Variants in NBN observed in about 807,000 individuals in gnomAD.
NBN encodes the protein Nijmegen breakage syndrome 1 (nibrin).
In NBN, 88 loss-of-function variants were observed where a neutral mutation model predicts 90.8. The observed-to-expected ratio is 0.97, with a 90% confidence interval of 0.82 to 1.16. The LOEUF (loss-of-function observed/expected upper bound fraction) is 1.16. Ranked by LOEUF, NBN falls within the 50% of genes most tolerant of loss-of-function variation. The probability of loss-of-function intolerance (pLI) is 0.00; values close to 1 mark genes in which losing one functional copy is unlikely to be tolerated. For synonymous variants in NBN, 328 were observed against 295.1 expected (o/e 1.11, Z -1.14); for missense variants, 894 against 869.6 (o/e 1.03, Z -0.35).
chr8:89,954,590 T>G (rs545311157), intron 10 of NBN, among the ~76,000 whole-genome samples: 4 of 151,332 alleles, frequency 2.6e-5, no homozygotes, highest in African/African-American at 7.3e-5. Context: ...TTTTTAGGTC[T>G]ATTACTGGGG....
chr8:89,982,670 T>C, intron 2 of NBN, 52 bp downstream of exon 2: 1 of 1,463,830 alleles, frequency 6.8e-7, no homozygotes, highest in Admixed American at 1.7e-5. Flanking sequence ...GAGAATATTT[T>C]GTGATTTCAA....
intron 1 of NBN, 115 bp downstream of exon 1, chr8:89,984,410 G>C: frequency 1.0e-6 from 1 of 987,546 alleles, no homozygotes; most frequent in South Asian, 1.4e-5. Flanking sequence ...TTCTGCGACC[G>C]CTTCCGCAGC....
At chr8:89,948,605 A>G (rs1176033730) in intron 11 of NBN, among the ~76,000 whole-genome samples, 1 of 152,224 alleles carries the variant, frequency 6.6e-6, no homozygotes, top group Non-Finnish European at 1.5e-5. Context: ...TGGGGCACAT[A>G]ACATTTTACG....
intron 9 of NBN, among the ~76,000 whole-genome samples, chr8:89,957,726 G>C (rs1271381574): frequency 6.6e-6 from 1 of 151,890 alleles, no homozygotes; most frequent in Non-Finnish European, 1.5e-5. Context: ...ACTTCCCATT[G>C]TGTTACAATT....
intron 7 of NBN, among the ~76,000 whole-genome samples, chr8:89,969,378 T>C (rs1334821142): frequency 6.6e-6 from 1 of 152,240 alleles, no homozygotes; most frequent in Non-Finnish European, 1.5e-5. Context: ...TATGTCTTTC[T>C]AATGGGTAAT....
intron 11 of NBN, among the ~76,000 whole-genome samples, chr8:89,950,218 T>C (rs1810385462): frequency 6.6e-6 from 1 of 152,184 alleles, no homozygotes; most frequent in South Asian, 2.1e-4. Context: ...GTGGTATCCC[T>C]GAGGAACTGG....
intron 4 of NBN, among the ~76,000 whole-genome samples, chr8:89,980,361 T>C (rs1451881686): frequency 6.6e-6 from 1 of 151,334 alleles, no homozygotes; most frequent in East Asian, 1.9e-4. Context: ...GAAAGACAAC[T>C]TGATAGAAAG....
At chr8:89,967,101 G>T (rs1160153128) in intron 7 of NBN, among the ~76,000 whole-genome samples, 4 of 152,180 alleles carry the variant, frequency 2.6e-5, no homozygotes, top group Non-Finnish European at 5.9e-5. Context: ...GCCGCTGTCT[G>T]TGTGGAATTT....
At chr8:89,982,134 A>AT (rs936745351) in intron 2 of NBN, 27 of 258,898 alleles carry the variant, frequency 1.0e-4, no homozygotes, top group Middle Eastern at 9.1e-4. Context: ...ATTCCTATGT[A>AT]TTTTTTTTAG....
intron 14 of NBN, among the ~76,000 whole-genome samples, chr8:89,941,140 CA>C (rs1348719032): frequency 3.5e-4 from 53 of 152,040 alleles, no homozygotes; most frequent in African/African-American, 1.2e-3. Context: ...ATAGAGAGCC[CA>C]GCAAATATAA....
chr8:89,957,001 C>T (rs13312921), intron 9 of NBN, among the ~76,000 whole-genome samples: 2 of 152,066 alleles, frequency 1.3e-5, no homozygotes, highest in Non-Finnish European at 2.9e-5. Flanking sequence ...ACATACAATT[C>T]GGTACAATAC....
At chr8:89,936,948 ATTCTTAAT>A in intron 15 of NBN, 70 bp downstream of exon 15, 1 of 1,191,064 alleles carries the variant, frequency 8.4e-7, no homozygotes, top group Non-Finnish European at 1.2e-6. Context: ...GAAGAAACAA[ATTCTTAAT>A]TTCTATGAAC....
At chr8:89,939,762 G>GT (rs1307082536) in intron 14 of NBN, among the ~76,000 whole-genome samples, 1 of 152,212 alleles carries the variant, frequency 6.6e-6, no homozygotes, top group African/African-American at 2.4e-5. Context: ...GGGACTAATG[G>GT]TGTAGAAGGT....
At position 89,955,546 on chromosome 8, in the gene NBN, A is replaced by G; in HGVS notation, c.1134T>C (p.Ser378=). Residue 378 remains serine, a synonymous_variant, in exon 10 of 16, where the codon AGT becomes AGC. Coordinates refer to ENST00000265433, the MANE Select transcript of NBN (RefSeq NM_002485.5). The part of the protein sequence containing the change: ...ESEQADTWDL[S]ERPKEIKVSK... ...AGACTTTGATTTCTTTTGGCCTTTC[A>G]CTCAAATCCCTGTAGAAAAAGAAAA... 1 of 1,613,068 alleles carries G rather than the reference A, an allele frequency of 6.2e-7. No individual in the cohort carries two copies. The highest frequency in any genetic ancestry group is 8.5e-7 in the Non-Finnish European group (1 of 1,179,636).
Position 89,941,738 on chromosome 8 carries a change from T to C in NBN, c.2184+1515A>G, listed in dbSNP as rs564212365. On this transcript the variant is annotated intron_variant, in intron 14 of 15. Coordinates refer to ENST00000265433, the MANE Select transcript of NBN (RefSeq NM_002485.5). ...CATCTTCATTCTTTGTGTACTGCCA[T>C]AATTCTGTGGAATGCACATGTTACA... 2.9e-3 allele frequency among the ~76,000 whole-genome samples: 443 copies of C among 152,318 alleles called. 2 individuals are homozygous for C. Among genetic ancestry groups the C allele is most frequent in the South Asian group, 8.3e-3 (40 of 4,830 alleles).
Position 89,934,049 on chromosome 8 carries a change from A to G in NBN, c.*1533T>C, listed in dbSNP as rs560563374. The G allele has an allele frequency of 1.3e-5, 3 of 230,092 alleles. No homozygotes were observed. The highest frequency in any genetic ancestry group is 6.2e-5 in the East Asian group (1 of 16,054). 14.3% of individuals were successfully genotyped at this position (230,092 alleles called of 1,614,324 possible). A position where few individuals can be genotyped will look rare whatever the true frequency, so the allele number is the denominator to read the frequency against. ...TAAATTGACAAATATAAAAACTGCTATAGTAGGGCAGTCTTCCTTAGAAAG... is the reference window on the plus strand; with the variant it reads ...TAAATTGACAAATATAAAAACTGCTGTAGTAGGGCAGTCTTCCTTAGAAAG... On this transcript the variant is annotated 3_prime_UTR_variant, in exon 16 of 16. Transcript: ENST00000265433.
intron 7 of NBN, among the ~76,000 whole-genome samples, chr8:89,968,592 T>C (rs1186007574): frequency 6.6e-6 from 1 of 152,170 alleles, no homozygotes; most frequent in Non-Finnish European, 1.5e-5. Flanking sequence ...CTATGTAGGA[T>C]AATTTTTTTT....
Position 89,953,402 on chromosome 8 carries a change from A to T in NBN, c.1687T>A (p.Leu563Met), listed in dbSNP as rs1466493008. The T allele has an allele frequency of 3.1e-6, 5 of 1,613,738 alleles. No homozygotes were observed. In the South Asian group the frequency reaches 5.5e-5, roughly 18 times the overall value. The change falls in exon 11 of 16, where the codon TTG (leucine) becomes ATG (methionine). Residue 563 changes from leucine to methionine, a missense_variant. Coordinates refer to ENST00000265433, the MANE Select transcript of NBN (RefSeq NM_002485.5). ...TTTGTGTCCTTGAATAACTGTTCCA[A>T]TACTTCATCTTCTATGGCCACATCA... ...MDDVAIEDEV[L>M]EQLFKDTKPE...
intron 10 of NBN, 133 bp downstream of exon 10, chr8:89,955,150 G>T: frequency 4.8e-6 from 4 of 829,172 alleles, no homozygotes; most frequent in South Asian, 1.6e-5. Context: ...TTTCTGAGAG[G>T]GAAAGCGGTC....
Sources: gnomAD v4.1 joint callset for allele counts (sites outside exome capture counted in the v4.1 genomes callset) on GRCh38, gnomAD v4.1.1 for gene constraint, MANE v1.5 for transcripts, NCBI Gene and HGNC (gene_info 2026-07-23, HGNC 2026-07-21) for gene names.